TXLNB: variants seen among roughly 807,000 people sequenced by gnomAD.
TXLNB encodes taxilin beta.
Under a neutral mutation model 57.4 loss-of-function variants are expected in TXLNB, and 37 were observed. The ratio of observed to expected loss-of-function variants is 0.64; its 90% CI spans 0.50 to 0.85. The LOEUF (loss-of-function observed/expected upper bound fraction) is 0.85. Ranked by LOEUF, TXLNB falls within the 40% of genes least tolerant of loss-of-function variation. The pLI is 0.00. For missense variants in TXLNB, 848 were observed against 825.6 expected (o/e 1.03, Z -0.33); for synonymous variants, 302 against 309.6 (o/e 0.98, Z 0.26).
the TXLNB span, among the ~76,000 whole-genome samples, chr6:139,301,664 T>C: frequency 6.6e-6 from 1 of 152,190 alleles, no homozygotes; most frequent in African/African-American, 2.4e-5. Flanking sequence ...TGTACTCTAG[T>C]GCCCCACACA....
At position 139,241,244 on chromosome 6, in the gene TXLNB, G is replaced by A. The variant is rs1775926062; in HGVS notation, c.*1282C>T. Reference sequence around the variant, plus strand: ...TTCTGGCCTAAAGAGAAATCCTCATGGCAGAAAACGTGTTGGTTTGTAAGC... The same window carrying A: ...TTCTGGCCTAAAGAGAAATCCTCATAGCAGAAAACGTGTTGGTTTGTAAGC... On this transcript the variant is annotated 3_prime_UTR_variant, in exon 10 of 10. Coordinates refer to ENST00000358430, the MANE Select transcript of TXLNB (RefSeq NM_153235.4). 6.6e-6 allele frequency: 1 copy of A among 152,148 alleles called. No homozygotes were observed. Among genetic ancestry groups the A allele is most frequent in the African/African-American group, 2.4e-5 (1 of 41,428 alleles). 9.4% of individuals were successfully genotyped at this position (152,148 alleles called of 1,614,324 possible). A position where few individuals can be genotyped will look rare whatever the true frequency, so the allele number is the denominator to read the frequency against.
chr6:139,317,810 C>G, the TXLNB span, among the ~76,000 whole-genome samples: 1 of 152,008 alleles, frequency 6.6e-6, no homozygotes, highest in African/African-American at 2.4e-5. Flanking sequence ...TTGAGAAATA[C>G]AAATAATCAA....
the TXLNB span, chr6:139,174,243 CTAAA>C: frequency 5.5e-6 from 5 of 916,154 alleles, no homozygotes; most frequent in Non-Finnish European, 6.3e-6. Context: ...AGCTTGTGTA[CTAAA>C]TATTGATTTT....
chr6:139,285,192 A>C (rs1455357887), intron 2 of TXLNB, among the ~76,000 whole-genome samples: 1 of 142,800 alleles, frequency 7.0e-6, no homozygotes, highest in African/African-American at 2.6e-5. Context: ...TAACTCATGG[A>C]AGAGAGTAGA....
At chr6:139,231,902 T>C in the TXLNB span, among the ~76,000 whole-genome samples, 1 of 152,212 alleles carries the variant, frequency 6.6e-6, no homozygotes, top group Middle Eastern at 3.2e-3. Context: ...CAGGAATAAC[T>C]TGTTGATAAG....
the TXLNB span, among the ~76,000 whole-genome samples, chr6:139,196,774 G>T: frequency 6.6e-6 from 1 of 152,182 alleles, no homozygotes; most frequent in East Asian, 1.9e-4. Context: ...CCTCAGCCAA[G>T]ATAGCAGTTT....
the TXLNB span, among the ~76,000 whole-genome samples, chr6:139,207,002 G>C: frequency 0.15 from 22,463 of 152,088 alleles, 1,876 homozygotes; most frequent in East Asian, 0.26. Flanking sequence ...CGAGACCTAA[G>C]AAATGAGATG....
chr6:139,208,818 C>T, the TXLNB span, among the ~76,000 whole-genome samples: 1 of 152,134 alleles, frequency 6.6e-6, no homozygotes, highest in Non-Finnish European at 1.5e-5. Flanking sequence ...TATGTGACAA[C>T]CCACAGCCAA....
rs1373274301 is a variant in TXLNB, at chr6:139,247,809, A to G, written c.1170+8T>C. 1 of 1,584,994 alleles carries G rather than the reference A, an allele frequency of 6.3e-7. No homozygotes were observed. The highest frequency in any genetic ancestry group is 8.6e-7 in the Non-Finnish European group (1 of 1,161,672). On this transcript the variant is annotated splice_region_variant and intron_variant, in intron 8 of 9. Transcript: ENST00000358430. ...GTCAATATTTTGTTGGTGATAAGCA[A>G]TACTCACTTTGTCCATTTCCTGTTT...
At chr6:139,315,576 A>G in the TXLNB span, among the ~76,000 whole-genome samples, 1 of 152,376 alleles carries the variant, frequency 6.6e-6, no homozygotes, top group Admixed American at 6.5e-5. Context: ...TGAATGTTGT[A>G]ATAAAGAAAC....
At position 139,262,469 on chromosome 6, in the gene TXLNB, A is replaced by G. The variant is rs891127065; in HGVS notation, c.882+110T>C. ...TCGTCAAGGAAATCCAATCCTAAAT[A>G]TTAATCAGTTGAGAGGGCTGGCTGT... On this transcript the variant is annotated intron_variant, in intron 5 of 9. Transcript: ENST00000358430. The G allele has an allele frequency of 1.7e-5, 15 of 902,986 alleles. No individual in the cohort carries two copies. The African/African-American group carries it at 2.4e-4, about 14-fold the overall frequency. The allele number at this position is 902,986 out of a possible 1,614,324, so 55.9% of individuals were successfully genotyped here. A position where few individuals can be genotyped will look rare whatever the true frequency, so the allele number is the denominator to read the frequency against.
In TXLNB at chr6:139,243,023, A is replaced by C. The variant is rs1431501122; in HGVS notation, c.1558T>G (p.Ser520Ala). 1 of 1,613,644 alleles carries C rather than the reference A, an allele frequency of 6.2e-7. No individual in the cohort carries two copies. Among genetic ancestry groups the C allele is most frequent in the African/African-American group, 1.3e-5 (1 of 74,778 alleles). ...CCTATTTCGGGTTGGGTTTCTTTGG[A>C]CTGGTGCGGGGTTGACTCTGGATGA... ...IHHPESTPHQSKETQPEIGSS... is the reference protein window; with the variant it reads ...IHHPESTPHQAKETQPEIGSS... The change falls in exon 10 of 10, where the codon TCC (serine) becomes GCC (alanine). Residue 520 changes from serine (S) to alanine (A), a missense_variant. Transcript: ENST00000358430.
chr6:139,188,955 A>C, the TXLNB span, among the ~76,000 whole-genome samples: 108,111 of 151,718 alleles, frequency 0.71, 39,739 homozygotes, highest in African/African-American at 0.86. Context: ...GGGGTTTCAC[A>C]ACATTGGCCA....
chr6:139,210,550 G>A, the TXLNB span, among the ~76,000 whole-genome samples: 17 of 152,318 alleles, frequency 1.1e-4, no homozygotes, highest in East Asian at 1.7e-3. Context: ...AGCTCCTAGC[G>A]TGAGCGACGC....
chr6:139,291,464 A>AT, intron 1 of TXLNB, among the ~76,000 whole-genome samples: 1 of 152,316 alleles, frequency 6.6e-6, no homozygotes, highest in East Asian at 1.9e-4. Context: ...ACAATCATTG[A>AT]TTTTTTAAAT....
Position 139,243,046 on chromosome 6 carries a change from T to C in TXLNB, c.1535A>G (p.His512Arg). 1 of 1,614,182 alleles carries C rather than the reference T, an allele frequency of 6.2e-7. No homozygotes were observed. The highest frequency in any genetic ancestry group is 8.5e-7 in the Non-Finnish European group (1 of 1,180,020). The change falls in exon 10 of 10, where the codon CAT becomes CGT. Residue 512 changes from histidine to arginine, a missense_variant. By Grantham distance (29) the His-to-Arg change is conservative. Transcript: ENST00000358430. ...NLATAFMIIH[H>R]PESTPHQSKE... ...GGACTGGTGCGGGGTTGACTCTGGA[T>C]GATGAATTATCATGAAGGCTGTGGC...
downstream of TXLNB, among the ~76,000 whole-genome samples, chr6:139,235,425 C>A (rs749285223): frequency 6.6e-6 from 1 of 152,126 alleles, no homozygotes; most frequent in Non-Finnish European, 1.5e-5. Context: ...CTTTGGGGGA[C>A]TGTTGGGAAG....
At chr6:139,193,241 CTTTTT>C in the TXLNB span, among the ~76,000 whole-genome samples, 1 of 101,210 alleles carries the variant, frequency 9.9e-6, no homozygotes, top group Non-Finnish European at 2.0e-5. Context: ...CTTTGACCCT[CTTTTT>C]TTTTTTTTTT....
At chr6:139,313,549 G>T in the TXLNB span, among the ~76,000 whole-genome samples, 2 of 152,156 alleles carry the variant, frequency 1.3e-5, no homozygotes, top group Non-Finnish European at 2.9e-5. Context: ...CCAGGAGTTT[G>T]GGGCAAAGAA....
Sources: allele counts gnomAD v4.1 joint callset (sites outside exome capture counted in the v4.1 genomes callset), GRCh38; gene constraint gnomAD v4.1.1; transcripts MANE v1.5; gene names NCBI Gene and HGNC (gene_info 2026-07-23, HGNC 2026-07-21).